PMFBP1: variants seen among roughly 807,000 people sequenced by gnomAD.
PMFBP1 encodes polyamine-modulated factor 1-binding protein 1.
A neutral mutation model predicts 137.8 loss-of-function variants in PMFBP1; 131 were observed. The observed-to-expected ratio is 0.95, with a 90% CI of 0.82 to 1.10. The LOEUF (loss-of-function observed/expected upper bound fraction) is 1.10. Ranked by LOEUF, PMFBP1 falls within the 50% of genes least tolerant of loss-of-function variation. The pLI, the probability that PMFBP1 is intolerant of heterozygous loss-of-function variation, is 0.00. For missense variants in PMFBP1, 1,199 were observed against 1,175.4 expected, an observed-to-expected ratio of 1.02 and a Z score of -0.29; for synonymous variants, 490 against 450.4, an observed-to-expected ratio of 1.09 and a Z score of -1.11.
chr16:72,238,417 A>G, the PMFBP1 span, among the ~76,000 whole-genome samples: 2 of 152,164 alleles, frequency 1.3e-5, no homozygotes, highest in Admixed American at 1.3e-4. Flanking sequence ...TTGACTTTTT[A>G]TCATGTAATT....
intron 13 of PMFBP1, 23 bp from the exon 14 acceptor site, chr16:72,128,817 A>C: frequency 6.2e-7 from 1 of 1,613,982 alleles, no homozygotes; most frequent in Non-Finnish European, 8.5e-7. Context: ...TAAAGAACAA[A>C]GCACAGCAAA....
chr16:72,125,147 G>A (rs748227856), intron 16 of PMFBP1, 91 bp downstream of exon 16: 57 of 1,493,168 alleles, frequency 3.8e-5, no homozygotes, highest in Middle Eastern at 4.0e-4. Flanking sequence ...CAGCCCAAGG[G>A]AATGACTTAG....
chr16:72,245,767 C>T, the PMFBP1 span, among the ~76,000 whole-genome samples: 1 of 152,172 alleles, frequency 6.6e-6, no homozygotes, highest in African/African-American at 2.4e-5. Flanking sequence ...CTCTTTAACT[C>T]TCTGCTGATG....
intron 5 of PMFBP1, among the ~76,000 whole-genome samples, chr16:72,149,898 C>A (rs922806191): frequency 3.3e-5 from 5 of 152,074 alleles, no homozygotes; most frequent in African/African-American, 7.2e-5. Flanking sequence ...ATAGCACAAG[C>A]CCCGAGAGGA....
the PMFBP1 span, among the ~76,000 whole-genome samples, chr16:72,211,930 G>C: frequency 2.0e-5 from 3 of 152,184 alleles, no homozygotes; most frequent in Non-Finnish European, 4.4e-5. Context: ...CTGGGAGGCA[G>C]AGGTTGCAGT....
chr16:72,191,485 C>T, the PMFBP1 span, among the ~76,000 whole-genome samples: 1 of 152,220 alleles, frequency 6.6e-6, no homozygotes, highest in Non-Finnish European at 1.5e-5. Context: ...GCTACAACCT[C>T]ATTAGAAGCG....
At chr16:72,133,932 C>T (rs1186932725) in intron 9 of PMFBP1, among the ~76,000 whole-genome samples, 1 of 152,108 alleles carries the variant, frequency 6.6e-6, no homozygotes, top group Non-Finnish European at 1.5e-5. Context: ...GCTTGGCCAA[C>T]ATGGTGAAAC....
At chr16:72,211,986 G>C in the PMFBP1 span, among the ~76,000 whole-genome samples, 1 of 151,916 alleles carries the variant, frequency 6.6e-6, no homozygotes, top group African/African-American at 2.4e-5. Flanking sequence ...AAGATAGTGA[G>C]ACCTTGTATC....
At chr16:72,196,668 T>A in the PMFBP1 span, among the ~76,000 whole-genome samples, 2 of 152,202 alleles carry the variant, frequency 1.3e-5, no homozygotes, top group Non-Finnish European at 2.9e-5. Flanking sequence ...TTTGGTTGCA[T>A]AGAGAATACA....
At chr16:72,193,910 T>C in the PMFBP1 span, among the ~76,000 whole-genome samples, 1 of 151,528 alleles carries the variant, frequency 6.6e-6, no homozygotes, top group Admixed American at 6.6e-5. Flanking sequence ...TATTTCTAGT[T>C]CCATTTGTCA....
At chr16:72,120,937 G>A (rs2042368584) in intron 19 of PMFBP1, among the ~76,000 whole-genome samples, 2 of 152,102 alleles carry the variant, frequency 1.3e-5, no homozygotes, top group Non-Finnish European at 1.5e-5. Flanking sequence ...ATGTGTCAAC[G>A]CTTAGTACCT....
At chr16:72,239,133 A>G in the PMFBP1 span, among the ~76,000 whole-genome samples, 1 of 152,240 alleles carries the variant, frequency 6.6e-6, no homozygotes, top group Non-Finnish European at 1.5e-5. Flanking sequence ...TAATAGTACC[A>G]TTGAAACTGA....
chr16:72,175,524 C>T (rs1385729652), upstream of PMFBP1, among the ~76,000 whole-genome samples: 1 of 152,170 alleles, frequency 6.6e-6, no homozygotes, highest in African/African-American at 2.4e-5. Flanking sequence ...CTTACAGCAA[C>T]CTTGTTGCTC....
At chr16:72,182,741 GTTC>G in the PMFBP1 span, among the ~76,000 whole-genome samples, 1 of 152,156 alleles carries the variant, frequency 6.6e-6, no homozygotes, top group Non-Finnish European at 1.5e-5. Context: ...CTCTCCAGTA[GTTC>G]TTCTTATTAC....
At chr16:72,235,310 G>A in the PMFBP1 span, among the ~76,000 whole-genome samples, 2 of 151,938 alleles carry the variant, frequency 1.3e-5, no homozygotes, top group African/African-American at 4.8e-5. Context: ...CACAACTTTT[G>A]AAAATCAATT....
the PMFBP1 span, among the ~76,000 whole-genome samples, chr16:72,217,122 T>G: frequency 1.2e-4 from 19 of 152,248 alleles, no homozygotes; most frequent in African/African-American, 4.3e-4. Context: ...AGTCCGTGCA[T>G]CTAGGTGAAG....
chr16:72,170,437 CTGT>C (rs533025621), intron 2 of PMFBP1, among the ~76,000 whole-genome samples: 19 of 152,066 alleles, frequency 1.2e-4, no homozygotes, highest in East Asian at 3.9e-4. Context: ...TAGTTTGCTG[CTGT>C]TGTTGTTGTT....
At chr16:72,165,678 A>G (rs1247414043) in intron 2 of PMFBP1, among the ~76,000 whole-genome samples, 2 of 151,980 alleles carry the variant, frequency 1.3e-5, no homozygotes, top group Non-Finnish European at 2.9e-5. Context: ...TTGGCCTCCC[A>G]AAGTGCTGGG....
chr16:72,153,365 C>T (rs1474746122), intron 4 of PMFBP1, among the ~76,000 whole-genome samples: 1 of 152,186 alleles, frequency 6.6e-6, no homozygotes, highest in Non-Finnish European at 1.5e-5. Context: ...TAAGCAACAG[C>T]ACCATCCAAA....
Sources: gnomAD v4.1 joint callset for allele counts (sites outside exome capture counted in the v4.1 genomes callset) on GRCh38, gnomAD v4.1.1 for gene constraint, MANE v1.5 for transcripts, NCBI Gene and HGNC (gene_info 2026-07-23, HGNC 2026-07-21) for gene names.